The following SLC35H1 variants were observed in gnomAD, a reference collection of about 807,000 sequenced individuals.
SLC35H1 encodes the protein solute carrier family 35 member H1.
the SLC35H1 span, chr20:46,349,108 G>A: frequency 6.6e-6 from 1 of 152,274 alleles, no homozygotes; most frequent in Admixed American, 6.5e-5. Flanking sequence ...CCGGTGTCTG[G>A]ATAGCCGTGG....
chr20:46,352,378 A>G, the SLC35H1 span: 1 of 699,140 alleles, frequency 1.4e-6, no homozygotes, highest in Non-Finnish European at 2.4e-6. Context: ...TGGAAGGTAT[A>G]AAGTGATCCC....
the SLC35H1 span, among the ~76,000 whole-genome samples, chr20:46,362,023 A>G: frequency 6.6e-6 from 1 of 152,272 alleles, no homozygotes; most frequent in East Asian, 1.9e-4. Context: ...CCTGCCTCCA[A>G]TAAGTCCCTA....
the SLC35H1 span, chr20:46,358,774 A>G: frequency 3.7e-5 from 54 of 1,468,004 alleles, no homozygotes; most frequent in Non-Finnish European, 4.6e-5. Context: ...CTGCTGGGGA[A>G]AAAGGGCCGC....
chr20:46,358,725 T>C, the SLC35H1 span: 3 of 1,549,924 alleles, frequency 1.9e-6, no homozygotes, highest in Non-Finnish European at 1.7e-6. Context: ...ACCCTTCCCA[T>C]GGTTAATTGG....
the SLC35H1 span, chr20:46,357,694 A>C: frequency 1.2e-6 from 2 of 1,613,990 alleles, no homozygotes; most frequent in Non-Finnish European, 1.7e-6. Context: ...GGAGCACTGA[A>C]CCAGCGCCCT....
the SLC35H1 span, among the ~76,000 whole-genome samples, chr20:46,360,912 G>A: frequency 6.6e-6 from 1 of 152,162 alleles, no homozygotes; most frequent in Admixed American, 6.5e-5. Context: ...TTTCATTTTA[G>A]GGTAATAAAA....
chr20:46,351,701 G>C, the SLC35H1 span, among the ~76,000 whole-genome samples: 3 of 152,252 alleles, frequency 2.0e-5, no homozygotes, highest in African/African-American at 7.2e-5. Context: ...TGTGGCTCCA[G>C]GCCACTGCCC....
chr20:46,354,134 G>A, the SLC35H1 span, among the ~76,000 whole-genome samples: 2 of 152,094 alleles, frequency 1.3e-5, no homozygotes, highest in East Asian at 1.9e-4. Context: ...CCTGGAGGAC[G>A]ACAGTGGAGG....
the SLC35H1 span, chr20:46,346,745 G>A: frequency 6.6e-6 from 1 of 152,204 alleles, no homozygotes; most frequent in Non-Finnish European, 1.5e-5. Context: ...AATTAGCCAG[G>A]CATGGTGGTG....
the SLC35H1 span, among the ~76,000 whole-genome samples, chr20:46,356,861 G>A: frequency 2.0e-5 from 3 of 152,224 alleles, no homozygotes; most frequent in Non-Finnish European, 4.4e-5. Flanking sequence ...CCAACTGGCT[G>A]GGCCGGTATG....
At chr20:46,355,212 G>A in the SLC35H1 span, 1 of 1,613,914 alleles carries the variant, frequency 6.2e-7, no homozygotes, top group Admixed American at 1.7e-5. This position sits in a 1 kb window ranked among gnomAD's most constrained non-coding sequence, Gnocchi z 4.8. Flanking sequence ...CCCCGGCGAT[G>A]AGGAGGACCA....
the SLC35H1 span, chr20:46,356,633 C>A: frequency 1.2e-6 from 2 of 1,613,736 alleles, no homozygotes; most frequent in East Asian, 2.2e-5. Context: ...GCGCCGTCGC[C>A]AGAGCTGTGA....
At chr20:46,361,147 TAG>T in the SLC35H1 span, among the ~76,000 whole-genome samples, 487 of 152,292 alleles carry the variant, frequency 3.2e-3, 1 homozygote, top group African/African-American at 0.011. Flanking sequence ...CACTCACATC[TAG>T]AGTGTCTGAA....
the SLC35H1 span, among the ~76,000 whole-genome samples, chr20:46,357,122 C>G: frequency 6.6e-6 from 1 of 152,210 alleles, no homozygotes; most frequent in African/African-American, 2.4e-5. Flanking sequence ...CTAAATCTCC[C>G]TCGGGCCACG....
the SLC35H1 span, among the ~76,000 whole-genome samples, chr20:46,359,210 C>T: frequency 4.6e-5 from 7 of 152,334 alleles, no homozygotes; most frequent in African/African-American, 1.7e-4. Context: ...CCCTTCAGTC[C>T]TTCATCAATC....
At chr20:46,355,749 T>TAA in the SLC35H1 span, 2 of 1,612,432 alleles carry the variant, frequency 1.2e-6, no homozygotes, top group South Asian at 2.2e-5. The surrounding 1 kb of genome is among the most constrained non-coding windows in gnomAD (Gnocchi z 4.8). Flanking sequence ...ACTCCCACTT[T>TAA]ATTCTTAGCA....
the SLC35H1 span, chr20:46,350,429 CCT>C: frequency 6.2e-7 from 1 of 1,613,778 alleles, no homozygotes; most frequent in African/African-American, 1.3e-5. Context: ...TACTCCTCCT[CCT>C]CATTGTCACC....
At chr20:46,349,803 T>C in the SLC35H1 span, 11 of 152,266 alleles carry the variant, frequency 7.2e-5, no homozygotes, top group African/African-American at 2.7e-4. Flanking sequence ...GGGACTGGTG[T>C]TCTAACAGGA....
At chr20:46,356,681 A>G in the SLC35H1 span, 1 of 1,585,308 alleles carries the variant, frequency 6.3e-7, no homozygotes, top group African/African-American at 1.3e-5. Context: ...GGAGGTCCAC[A>G]CTCTGCTGGG....
Sources: allele counts gnomAD v4.1 joint callset (sites outside exome capture counted in the v4.1 genomes callset), GRCh38; gene constraint gnomAD v4.1.1; non-coding constraint Gnocchi (gnomAD v3.1); transcripts MANE v1.5; gene names NCBI Gene and HGNC (gene_info 2026-07-23, HGNC 2026-07-21).